The following OSBPL5 variants were observed in gnomAD, a reference collection of about 807,000 sequenced individuals.
The protein encoded by OSBPL5 is oxysterol-binding protein-related protein 5.
OSBPL5 carries 71 observed loss-of-function variants against 111.2 expected under a neutral mutation model. That is an observed-to-expected ratio of 0.64 (90% CI 0.53 to 0.78). OSBPL5 has a LOEUF of 0.78. Ranked by LOEUF, OSBPL5 falls within the 30% of genes least tolerant of loss-of-function variation. The probability of loss-of-function intolerance (pLI) is 0.00; values close to 1 mark genes in which losing one functional copy is unlikely to be tolerated. For synonymous variants in OSBPL5, 549 were observed against 513.9 expected, an observed-to-expected ratio of 1.07 and a Z score of -0.93; for missense variants, 1,210 against 1,189.3, an observed-to-expected ratio of 1.02 and a Z score of -0.26.
intron 1 of OSBPL5, among the ~76,000 whole-genome samples, chr11:3,131,670 C>A (rs1845789675): frequency 6.7e-6 from 1 of 148,738 alleles, no homozygotes; most frequent in South Asian, 2.2e-4. Context: ...GTCCTCCCAT[C>A]CATCCATCCA....
intron 1 of OSBPL5, among the ~76,000 whole-genome samples, chr11:3,151,903 G>A (rs1435742949): frequency 2.0e-5 from 3 of 152,252 alleles, no homozygotes; most frequent in Non-Finnish European, 2.9e-5. Context: ...AGAGGGGCCC[G>A]TTCTCAAATC....
intron 3 of OSBPL5, among the ~76,000 whole-genome samples, chr11:3,124,082 G>A (rs1858516103): frequency 6.6e-6 from 1 of 152,200 alleles, no homozygotes; most frequent in Non-Finnish European, 1.5e-5. Flanking sequence ...TCTGTGCATG[G>A]ATGTAAGCAC....
intron 10 of OSBPL5, among the ~76,000 whole-genome samples, 194 bp downstream of exon 10, chr11:3,103,999 G>C (rs577675935): frequency 6.6e-6 from 1 of 152,176 alleles, no homozygotes; most frequent in African/African-American, 2.4e-5. Flanking sequence ...CTCTCACCAC[G>C]GATGGCTGGC....
chr11:3,139,644 A>T (rs1471116341), intron 1 of OSBPL5, among the ~76,000 whole-genome samples: 1 of 152,096 alleles, frequency 6.6e-6, no homozygotes, highest in East Asian at 1.9e-4. Context: ...CGCCCCAGGG[A>T]GGCCTTGCTG....
At chr11:3,149,717 C>A (rs571684723) in intron 1 of OSBPL5, among the ~76,000 whole-genome samples, 64 of 152,330 alleles carry the variant, frequency 4.2e-4, no homozygotes, top group African/African-American at 1.5e-3. Context: ...GCGCCCTGTC[C>A]CTTCTTCCTC....
chr11:3,090,695 C>G lies in OSBPL5; in HGVS notation c.2261G>C (p.Arg754Thr). The G allele has an allele frequency of 6.2e-7, 1 of 1,610,386 alleles. No homozygotes were observed. Among genetic ancestry groups the G allele is most frequent in the African/African-American group, 1.3e-5 (1 of 75,026 alleles). Reference sequence around the variant, plus strand: ...GCGAAGCCGCTGGTCTGGGCCAGACCTCTGCAGAGAAATGGAGCTGCTGCA... The same window carrying G: ...GCGAAGCCGCTGGTCTGGGCCAGACGTCTGCAGAGAAATGGAGCTGCTGCA... The part of the protein sequence containing the change: ...FLGSPGPRHE[R>T]SGPDQRLRKA... Residue 754 changes from arginine to threonine, a missense_variant and splice_region_variant, in exon 20 of 22, where the codon AGG becomes ACG. Coordinates refer to ENST00000263650, the MANE Select transcript of OSBPL5 (RefSeq NM_020896.4).
At chr11:3,120,736 C>T (rs2134455374) in intron 5 of OSBPL5, 112 bp from the exon 6 acceptor site, 1 of 1,097,174 alleles carries the variant, frequency 9.1e-7, no homozygotes, top group South Asian at 1.4e-5. Context: ...GCCGAGGGGC[C>T]CTTCCCCTCC....
chr11:3,145,857 C>T, intron 1 of OSBPL5, among the ~76,000 whole-genome samples: 1 of 152,200 alleles, frequency 6.6e-6, no homozygotes, highest in East Asian at 1.9e-4. Context: ...GTTCACTTAA[C>T]TTTGTTACCT....
Position 3,114,590 on chromosome 11 carries a change from G to GA in OSBPL5, c.691+4956dup, listed in dbSNP as rs1410857952. Among the ~76,000 whole-genome samples the GA allele has an allele frequency of 1.6e-3, 91 of 58,302 alleles. 3 individuals carry two copies. Among genetic ancestry groups the GA allele is most frequent in the African/African-American group, 8.3e-3 (82 of 9,882 alleles). The allele number at this position is 58,302 out of a possible 152,430, so 38.2% of individuals were successfully genotyped here. On this transcript the variant is annotated intron_variant, in intron 7 of 21. Coordinates refer to ENST00000263650, the MANE Select transcript of OSBPL5 (RefSeq NM_020896.4). ...AGACTAAAGAATTGGTTAGAACAAT[G>GA]ATTTTTTTTTTTTTTTTTTTTTTTT...
Position 3,088,014 on chromosome 11 carries a change from A to G in OSBPL5, c.*191T>C. 6.1e-6 allele frequency: 3 copies of G among 487,904 alleles called. No individual in the cohort carries two copies. The highest frequency in any genetic ancestry group is 1.1e-5 in the Non-Finnish European group (3 of 284,024). The allele number at this position is 487,904 out of a possible 1,614,324, so 30.2% of individuals were successfully genotyped here. A position where few individuals can be genotyped will look rare whatever the true frequency, so the allele number is the denominator to read the frequency against. ...GGGCGGAAGGCCCTGCAGAGAGGCCAGTGCCCCTGAGAGGGGCCCAGCACA... is the reference window on the plus strand; with the variant it reads ...GGGCGGAAGGCCCTGCAGAGAGGCCGGTGCCCCTGAGAGGGGCCCAGCACA... On this transcript the variant is annotated 3_prime_UTR_variant, in exon 22 of 22. Transcript: ENST00000263650.
At position 3,136,175 on chromosome 11, in the gene OSBPL5, G is replaced by A. The variant is rs187366152; in HGVS notation, c.-21-7006C>T. 1.8e-3 allele frequency among the ~76,000 whole-genome samples: 275 copies of A among 152,338 alleles called. 1 individual carries two copies. The highest frequency in any genetic ancestry group is 6.4e-3 in the African/African-American group (267 of 41,584). On this transcript the variant is annotated intron_variant, in intron 1 of 21. Coordinates refer to ENST00000263650, the MANE Select transcript of OSBPL5 (RefSeq NM_020896.4). ...GACCCCACGCCAAGGCCAGCTGTTT[G>A]GCAGCATGGGGCCCAGGCCCAATGG...
rs1858394848 is a variant in OSBPL5, at chr11:3,121,058, ATTC to A, written c.403-437_403-435del. ...TGACTTGTAACTGGCAGCTTTGTAG[ATTC>A]TTTTTTTTTTTTTTTTTGAGACAGA... On this transcript the variant is annotated intron_variant, in intron 5 of 21. Transcript: ENST00000263650. This position sits in a 1 kb window ranked among gnomAD's most constrained non-coding sequence, Gnocchi z 4.3. 8.2e-6 allele frequency among the ~76,000 whole-genome samples: 1 copy of A among 122,216 alleles called. No individual in the cohort carries two copies. The highest frequency in any genetic ancestry group is 1.8e-5 in the Non-Finnish European group (1 of 55,410). The allele number at this position is 122,216 out of a possible 152,430, so 80.2% of individuals were successfully genotyped here.
At chr11:3,164,802 T>TG (rs1273514788) in intron 1 of OSBPL5, among the ~76,000 whole-genome samples, 3 of 152,146 alleles carry the variant, frequency 2.0e-5, no homozygotes, top group Non-Finnish European at 4.4e-5. Flanking sequence ...TCGGCCGAGC[T>TG]GGGGGGACAG....
At chr11:3,102,125 C>A in intron 12 of OSBPL5, 58 bp downstream of exon 12, 1 of 1,521,338 alleles carries the variant, frequency 6.6e-7, no homozygotes, top group Non-Finnish European at 8.9e-7. Context: ...CCCGCCCCCA[C>A]AGAGCCCCGC....
intron 1 of OSBPL5, among the ~76,000 whole-genome samples, chr11:3,137,841 C>T (rs1416334078): frequency 2.0e-5 from 3 of 152,246 alleles, no homozygotes; most frequent in East Asian, 1.9e-4. Context: ...AGAGGGGAAA[C>T]GGCCCATCTA....
At chr11:3,114,486 T>C (rs1055606042) in intron 7 of OSBPL5, among the ~76,000 whole-genome samples, 4 of 151,572 alleles carry the variant, frequency 2.6e-5, no homozygotes, top group Non-Finnish European at 5.9e-5. Flanking sequence ...AACCCTTTTA[T>C]ATGATCAAGT....
chr11:3,120,099 G>C (rs993870757), intron 6 of OSBPL5: 5 of 487,206 alleles, frequency 1.0e-5, no homozygotes, highest in African/African-American at 3.9e-5. Flanking sequence ...GGGCAGCCCC[G>C]GGTTAGGAGG....
chr11:3,088,232 C>G lies in OSBPL5; in HGVS notation c.2613G>C (p.Gln871His). The G allele has an allele frequency of 6.2e-7, 1 of 1,603,088 alleles. No homozygotes were observed. The highest frequency in any genetic ancestry group is 8.5e-7 in the Non-Finnish European group (1 of 1,174,504). The change falls in exon 22 of 22, where the codon CAG becomes CAC. Residue 871 changes from glutamine (Q) to histidine (H), a missense_variant. Transcript: ENST00000263650. ...ATTTGAGGATGTGGTTAATGAACAG[C>G]TGACACGCCAGGAACACGCAGAGCA... is the stretch of plus-strand genomic sequence containing the variant. The part of the protein sequence containing the change: ...WFLLCVFLAC[Q>H]LFINHILK
intron 19 of OSBPL5, among the ~76,000 whole-genome samples, chr11:3,091,320 G>A (rs1278567120): frequency 6.6e-6 from 1 of 152,246 alleles, no homozygotes; most frequent in Non-Finnish European, 1.5e-5. Context: ...CAGGCGTTTG[G>A]GGCCAGAGAG....
Sources: gnomAD v4.1 joint callset for allele counts (sites outside exome capture counted in the v4.1 genomes callset) on GRCh38, gnomAD v4.1.1 for gene constraint, Gnocchi (gnomAD v3.1) non-coding constraint, MANE v1.5 for transcripts, NCBI Gene and HGNC (gene_info 2026-07-23, HGNC 2026-07-21) for gene names.